Variants in PTPRK observed in about 807,000 individuals in gnomAD.
PTPRK encodes the protein protein tyrosine phosphatase receptor type K.
Under a neutral mutation model 178.0 loss-of-function variants are expected in PTPRK, and 75 were observed. The ratio of observed to expected loss-of-function variants is 0.42; its 90% CI spans 0.35 to 0.51. The LOEUF is 0.51. Ranked by LOEUF, PTPRK falls within the 20% of genes least tolerant of loss-of-function variation. The pLI is 0.02. For missense variants in PTPRK, 1,441 were observed against 1,797.8 expected (o/e 0.80, Z 3.59); for synonymous variants, 637 against 620.6 (o/e 1.03, Z -0.39).
chr6:128,296,300 A>G (rs928087771), intron 3 of PTPRK, among the ~76,000 whole-genome samples: 2 of 152,040 alleles, frequency 1.3e-5, no homozygotes, highest in East Asian at 1.9e-4. Flanking sequence ...AATCAACTCA[A>G]TGAAGCCCAC....
At chr6:128,292,233 T>C (rs1823501113) in intron 3 of PTPRK, among the ~76,000 whole-genome samples, 1 of 152,082 alleles carries the variant, frequency 6.6e-6, no homozygotes, top group Non-Finnish European at 1.5e-5. Flanking sequence ...TGAATAAGTT[T>C]TAGATAATTC....
intron 2 of PTPRK, among the ~76,000 whole-genome samples, chr6:128,371,381 C>T (rs936303622): frequency 2.0e-5 from 3 of 152,168 alleles, no homozygotes; most frequent in East Asian, 1.9e-4. Context: ...GATAATTTTA[C>T]GTATTCTCAT....
intron 2 of PTPRK, among the ~76,000 whole-genome samples, chr6:128,384,246 C>T (rs1838362078): frequency 6.6e-6 from 1 of 152,152 alleles, no homozygotes; most frequent in Non-Finnish European, 1.5e-5. Flanking sequence ...CACGATAGTC[C>T]ACAAAATGTT....
intron 1 of PTPRK, among the ~76,000 whole-genome samples, chr6:128,456,661 T>G (rs1408653326): frequency 6.6e-6 from 1 of 152,088 alleles, no homozygotes; most frequent in Non-Finnish European, 1.5e-5. Flanking sequence ...TATACTTTAT[T>G]TATATACATT....
intron 3 of PTPRK, among the ~76,000 whole-genome samples, chr6:128,251,880 T>G (rs558168572): frequency 6.6e-6 from 1 of 152,336 alleles, no homozygotes; most frequent in Non-Finnish European, 1.5e-5. Flanking sequence ...ACCAATTGCC[T>G]GCATGATGAG....
chr6:128,381,306 T>C (rs1013805982), intron 2 of PTPRK, among the ~76,000 whole-genome samples: 1 of 152,226 alleles, frequency 6.6e-6, no homozygotes, highest in African/African-American at 2.4e-5. Context: ...ACTATTTCCA[T>C]ACCTCATTAT....
chr6:127,978,245 C>A (rs550005063), intron 25 of PTPRK, among the ~76,000 whole-genome samples: 1 of 152,166 alleles, frequency 6.6e-6, no homozygotes, highest in Non-Finnish European at 1.5e-5. Context: ...GGCTCTGTGT[C>A]CCCACCCAAA....
intron 3 of PTPRK, among the ~76,000 whole-genome samples, chr6:128,296,700 G>A (rs924859396): frequency 6.6e-6 from 1 of 152,124 alleles, no homozygotes; most frequent in Non-Finnish European, 1.5e-5. Context: ...CACCAGGCCT[G>A]CCCTAAAAGA....
At chr6:128,018,607 T>G (rs1441300743) in intron 13 of PTPRK, among the ~76,000 whole-genome samples, 1 of 151,908 alleles carries the variant, frequency 6.6e-6, no homozygotes, top group East Asian at 1.9e-4. Context: ...ATTGGTAAAA[T>G]GGAGATTGAG....
chr6:128,464,357 C>T lies in PTPRK; in HGVS notation c.100+55902G>A, dbSNP rs181072080. 2.4e-3 allele frequency among the ~76,000 whole-genome samples: 370 copies of T among 151,538 alleles called. 3 individuals are homozygous for T. Among genetic ancestry groups the T allele is most frequent in the Non-Finnish European group, 3.1e-3 (210 of 67,936 alleles). On this transcript the variant is annotated intron_variant, in intron 1 of 29. Transcript: ENST00000368226. The stretch of plus-strand genomic sequence containing the variant: ...CTGGCACAGAAGGCAAAGTAAATTA[C>T]TTAAGGTCCCTAGGACTTTTGAGTA...
intron 3 of PTPRK, among the ~76,000 whole-genome samples, chr6:128,310,142 C>G (rs550979394): frequency 3.4e-4 from 52 of 152,262 alleles, no homozygotes; most frequent in African/African-American, 1.2e-3. Context: ...ACTTGGATAA[C>G]AGGGGAAGTA....
intron 2 of PTPRK, among the ~76,000 whole-genome samples, chr6:128,333,775 C>T (rs1443775227): frequency 6.6e-6 from 1 of 152,174 alleles, no homozygotes; most frequent in Non-Finnish European, 1.5e-5. Context: ...TTCCAATTTC[C>T]TTCAAGAACT....
At chr6:128,192,938 G>A (rs1345630217) in intron 6 of PTPRK, among the ~76,000 whole-genome samples, 1 of 150,414 alleles carries the variant, frequency 6.6e-6, no homozygotes, top group Admixed American at 6.6e-5. Flanking sequence ...GAGGGGGAAG[G>A]AGGGAAGGAG....
At chr6:128,395,803 G>A (rs2128367733) in intron 2 of PTPRK, among the ~76,000 whole-genome samples, 1 of 152,252 alleles carries the variant, frequency 6.6e-6, no homozygotes, top group African/African-American at 2.4e-5. Context: ...CCTCTGCAAA[G>A]GAAATTATGG....
chr6:128,272,409 G>C (rs1461566587), intron 3 of PTPRK, among the ~76,000 whole-genome samples: 2 of 152,130 alleles, frequency 1.3e-5, no homozygotes, highest in Non-Finnish European at 2.9e-5. Context: ...ACTACCATCA[G>C]AGTGAACAGG....
chr6:128,464,638 C>CATATATATATATATATAT lies in PTPRK; in HGVS notation c.100+55603_100+55620dup, dbSNP rs10665667. 2.7e-3 allele frequency among the ~76,000 whole-genome samples: 133 copies of CATATATATATATATATAT among 48,546 alleles called. 9 individuals are homozygous for CATATATATATATATATAT. Among genetic ancestry groups the CATATATATATATATATAT allele is most frequent in the East Asian group, 4.1e-3 (5 of 1,220 alleles). 31.8% of individuals were successfully genotyped at this position (48,546 alleles called of 152,430 possible). On this transcript the variant is annotated intron_variant, in intron 1 of 29. Transcript: ENST00000368226. ...ACATATACATATATATATATATACA[C>CATATATATATATATATAT]ATATATATATATATATATATATATA...
intron 10 of PTPRK, among the ~76,000 whole-genome samples, chr6:128,080,141 A>C (rs969645875): frequency 1.3e-5 from 2 of 152,052 alleles, no homozygotes; most frequent in African/African-American, 4.8e-5. Context: ...TCAGGAAGAG[A>C]AAGGATGAAC....
In PTPRK at chr6:128,275,046, G is replaced by C. The variant is rs555609925; in HGVS notation, c.496-32444C>G. On this transcript the variant is annotated intron_variant, in intron 3 of 29. Transcript: ENST00000368226. The stretch of plus-strand genomic sequence containing the variant: ...TCTGTGCGATTGCAATATACCAAAT[G>C]TTAGAATGAACACTTACCATGCATA... Among the ~76,000 whole-genome samples the C allele has an allele frequency of 2.0e-5, 3 of 152,094 alleles. No homozygotes were observed. In the East Asian group the frequency reaches 5.8e-4, roughly 29 times the overall value.
chr6:128,386,485 G>A (rs1248876392), intron 2 of PTPRK, among the ~76,000 whole-genome samples: 1 of 152,168 alleles, frequency 6.6e-6, no homozygotes, highest in Non-Finnish European at 1.5e-5. Context: ...TGACATAAAA[G>A]AGGAAGGAAT....
Sources: gnomAD v4.1 joint callset for allele counts (sites outside exome capture counted in the v4.1 genomes callset) on GRCh38, gnomAD v4.1.1 for gene constraint, MANE v1.5 for transcripts, NCBI Gene and HGNC (gene_info 2026-07-23, HGNC 2026-07-21) for gene names.